The following ELL2 variants were observed in gnomAD, a reference collection of about 807,000 sequenced individuals.
The protein encoded by ELL2 is RNA polymerase II elongation factor ELL2.
ELL2 carries 21 observed loss-of-function variants against 72.8 expected under a neutral mutation model. The observed-to-expected ratio is 0.29, with a 90% CI of 0.20 to 0.42. The LOEUF (loss-of-function observed/expected upper bound fraction) is 0.42, where lower values mean the gene tolerates loss of function less well. ELL2 is among the 10% of genes least tolerant of loss of function. The probability of loss-of-function intolerance (pLI) is 1.00; values close to 1 mark genes in which losing one functional copy is unlikely to be tolerated. For missense variants in ELL2, 568 were observed against 772.8 expected (o/e 0.73, Z 3.14); for synonymous variants, 266 against 283.2 (o/e 0.94, Z 0.61).
Position 95,885,294 on chromosome 5 carries a change from T to C in ELL2, c.*3577A>G, listed in dbSNP as rs1451039951. The stretch of plus-strand genomic sequence containing the variant: ...ATAGTTTGAAATGAGCCTCACAGCC[T>C]TGTTCAATCTTCAGATTACAAATAA... On this transcript the variant is annotated 3_prime_UTR_variant, in exon 12 of 12. Coordinates refer to ENST00000237853, the MANE Select transcript of ELL2 (RefSeq NM_012081.6). 2.0e-5 allele frequency: 3 copies of C among 152,194 alleles called. No individual in the cohort carries two copies. In the East Asian group the frequency reaches 5.8e-4, roughly 29 times the overall value. The allele number at this position is 152,194 out of a possible 1,614,324, so 9.4% of individuals were successfully genotyped here.
intron 2 of ELL2, among the ~76,000 whole-genome samples, chr5:95,927,762 CATACACACACACATAT>C (rs1343450920): frequency 1.2e-5 from 1 of 86,092 alleles, no homozygotes; most frequent in African/African-American, 8.1e-5. Context: ...TGTATATAGA[CATACACACACACATAT>C]GTGTGTATAT....
At chr5:95,919,640 T>A in intron 2 of ELL2, 95 bp from the exon 3 acceptor site, 1 of 1,417,426 alleles carries the variant, frequency 7.1e-7, no homozygotes, top group Non-Finnish European at 9.4e-7. Flanking sequence ...GTGAAAATCA[T>A]TTTAGACCTA....
At chr5:95,913,620 C>T in intron 4 of ELL2, 151 bp downstream of exon 4, 1 of 822,272 alleles carries the variant, frequency 1.2e-6, no homozygotes, top group East Asian at 2.9e-5. Flanking sequence ...CTGAAGAGAA[C>T]AAATAACTTT....
At chr5:95,903,033 C>A (rs1379977764) in intron 5 of ELL2, among the ~76,000 whole-genome samples, 3 of 151,956 alleles carry the variant, frequency 2.0e-5, no homozygotes, top group African/African-American at 7.3e-5. Context: ...AAGCAATCTT[C>A]CCTTGGCCTC....
At position 95,950,923 on chromosome 5, in the gene ELL2, TA is replaced by T. The variant is rs1751362721; in HGVS notation, c.148-7875del. 6.5e-5 allele frequency among the ~76,000 whole-genome samples: 7 copies of T among 108,206 alleles called. No homozygotes were observed. The East Asian group carries it at 1.0e-3, about 16-fold the overall frequency. 71.0% of individuals were successfully genotyped at this position (108,206 alleles called of 152,430 possible). ...GTATGTGTATATATATATATATATA[TA>T]TATATATATATATATATATATATAT... On this transcript the variant is annotated intron_variant, in intron 1 of 11. Transcript: ENST00000237853.
chr5:95,934,550 T>G lies in ELL2; in HGVS notation c.195+8452A>C, dbSNP rs188155952. On this transcript the variant is annotated intron_variant, in intron 2 of 11. Transcript: ENST00000237853. The stretch of plus-strand genomic sequence containing the variant: ...GAAAGTAACCTCCACTCCCACACCC[T>G]TGATAACACCAGCAACTCTGCCTGC... Among the ~76,000 whole-genome samples, 206 of 152,290 alleles carry G rather than the reference T, an allele frequency of 1.4e-3. 3 individuals carry two copies. The highest frequency in any genetic ancestry group is 9.7e-3 in the Admixed American group (149 of 15,296).
intron 1 of ELL2, among the ~76,000 whole-genome samples, chr5:95,950,082 AAGCC>A (rs1483025671): frequency 1.3e-5 from 2 of 152,214 alleles, no homozygotes; most frequent in Non-Finnish European, 2.9e-5. Context: ...TTGAAACTGA[AAGCC>A]AGAGAATTAA....
At position 95,927,734 on chromosome 5, in the gene ELL2, TACAC is replaced by T. The variant is rs67688131; in HGVS notation, c.196-8193_196-8190del. 8.3e-5 allele frequency among the ~76,000 whole-genome samples: 5 copies of T among 60,084 alleles called. 1 individual carries two copies. In the South Asian group the frequency reaches 2.0e-3, roughly 24 times the overall value. 39.4% of individuals were successfully genotyped at this position (60,084 alleles called of 152,430 possible). ...ACACACATATGTGTGTATATAGACA[TACAC>T]ACACACATATGTGTGTATATAGACA... is the stretch of plus-strand genomic sequence containing the variant. On this transcript the variant is annotated intron_variant, in intron 2 of 11. Transcript: ENST00000237853.
intron 1 of ELL2, among the ~76,000 whole-genome samples, chr5:95,960,810 G>A (rs1012030522): frequency 6.6e-6 from 1 of 152,042 alleles, no homozygotes; most frequent in African/African-American, 2.4e-5. Context: ...TCCTGGACGC[G>A]GCGCGTCTCC....
At chr5:95,930,746 C>T (rs764218127) in intron 2 of ELL2, among the ~76,000 whole-genome samples, 6 of 152,104 alleles carry the variant, frequency 3.9e-5, no homozygotes, top group African/African-American at 7.2e-5. Context: ...GTAAGTCCTC[C>T]CTGGGGACCA....
intron 2 of ELL2, among the ~76,000 whole-genome samples, chr5:95,938,138 G>A (rs1208255647): frequency 6.6e-6 from 1 of 152,176 alleles, no homozygotes; most frequent in African/African-American, 2.4e-5. Context: ...GCTTTGCTAA[G>A]TTTGGGGATA....
rs183591409 is a variant in ELL2 at position 95,888,773 on chromosome 5, C to T, written c.*98G>A. On this transcript the variant is annotated 3_prime_UTR_variant, in exon 12 of 12. Transcript: ENST00000237853. ...AGTTTACTAATACTGAAACTTTCAA[C>T]AGCCAAAGTTTCACCTTTTTAGAAT... The T allele has an allele frequency of 7.6e-5, 63 of 825,040 alleles. No individual in the cohort carries two copies. The East Asian group carries it at 1.5e-3, about 20-fold the overall frequency. The allele number at this position is 825,040 out of a possible 1,614,324, so 51.1% of individuals were successfully genotyped here.
intron 2 of ELL2, among the ~76,000 whole-genome samples, chr5:95,934,798 T>C (rs1185478525): frequency 6.6e-6 from 1 of 152,248 alleles, no homozygotes; most frequent in Non-Finnish European, 1.5e-5. Context: ...TATTTGAACT[T>C]GGCATCTCCA....
chr5:95,926,362 A>C (rs960686854), intron 2 of ELL2, among the ~76,000 whole-genome samples: 1 of 152,170 alleles, frequency 6.6e-6, no homozygotes, highest in Non-Finnish European at 1.5e-5. Flanking sequence ...CACATATTAG[A>C]GCCGTCTGAA....
Position 95,920,375 on chromosome 5 carries a change from A to C in ELL2, c.196-830T>G, listed in dbSNP as rs866433399. ...GCCCAGGCTGGACTGCAGTGGCGCG[A>C]TCTTGGCTCACTGCAACCTCCACCT... On this transcript the variant is annotated intron_variant, in intron 2 of 11. Coordinates refer to ENST00000237853, the MANE Select transcript of ELL2 (RefSeq NM_012081.6). Among the ~76,000 whole-genome samples, 4 of 150,540 alleles carry C rather than the reference A, an allele frequency of 2.7e-5. No homozygotes were observed. The South Asian group carries it at 8.4e-4, about 32-fold the overall frequency.
In ELL2 at chr5:95,885,906, G is replaced by C. The variant is rs1748445951; in HGVS notation, c.*2965C>G. The C allele has an allele frequency of 6.6e-6, 1 of 152,128 alleles. No homozygotes were observed. Among genetic ancestry groups the C allele is most frequent in the Non-Finnish European group, 1.5e-5 (1 of 68,020 alleles). The allele number at this position is 152,128 out of a possible 1,614,324, so 9.4% of individuals were successfully genotyped here. ...TCAAAGTGGAATAAATAACAAGGTAGGAAATGCAATACCTATATATTTTAA... is the reference window on the plus strand; with the variant it reads ...TCAAAGTGGAATAAATAACAAGGTACGAAATGCAATACCTATATATTTTAA... On this transcript the variant is annotated 3_prime_UTR_variant, in exon 12 of 12. Transcript: ENST00000237853.
Position 95,923,266 on chromosome 5 carries a change from A to G in ELL2, c.196-3721T>C, listed in dbSNP as rs572836190. On this transcript the variant is annotated intron_variant, in intron 2 of 11. Coordinates refer to ENST00000237853, the MANE Select transcript of ELL2 (RefSeq NM_012081.6). ...AAAAAAAAAAAAGAAATACAGAGTA[A>G]CTTATCTGCAGAGTGCTTTCAATCC... Among the ~76,000 whole-genome samples the G allele has an allele frequency of 2.6e-5, 4 of 152,100 alleles. 1 individual carries two copies. The South Asian group carries it at 8.3e-4, about 32-fold the overall frequency.
Position 95,898,760 on chromosome 5 carries a change from G to T in ELL2, c.1005C>A (p.Ala335=), listed in dbSNP as rs1748992248. Residue 335 remains alanine (A), a synonymous_variant, in exon 8 of 12, where the codon GCC becomes GCA. Coordinates refer to ENST00000237853, the MANE Select transcript of ELL2 (RefSeq NM_012081.6). ...CTCTGTTCGTCAGGTGAGATATTCG[G>T]GCTTTTTTATTCATTAAAGGATCAA... ...EFIDPLMNKK[A]RISHLTNRVP... is the part of the protein sequence containing the mutation. 1 of 1,546,626 alleles carries T rather than the reference G, an allele frequency of 6.5e-7. No individual in the cohort carries two copies. Among genetic ancestry groups the T allele is most frequent in the Admixed American group, 2.0e-5 (1 of 49,858 alleles).
At chr5:95,959,881 C>T (rs1751749848) in intron 1 of ELL2, among the ~76,000 whole-genome samples, 1 of 152,184 alleles carries the variant, frequency 6.6e-6, no homozygotes, top group South Asian at 2.1e-4. Flanking sequence ...ACACTCACCT[C>T]TGAGCCTCCA....
Sources: allele counts gnomAD v4.1 joint callset (sites outside exome capture counted in the v4.1 genomes callset), GRCh38; gene constraint gnomAD v4.1.1; transcripts MANE v1.5; gene names NCBI Gene and HGNC (gene_info 2026-07-23, HGNC 2026-07-21).